Variants in TRIP4 observed in about 807,000 individuals in gnomAD.
The protein encoded by TRIP4 is thyroid hormone receptor interactor 4, also known as activating signal cointegrator 1.
TRIP4 carries 54 observed loss-of-function variants against 81.8 expected under a neutral mutation model. That is an observed-to-expected ratio of 0.66 (90% CI 0.53 to 0.83). The LOEUF is 0.83. TRIP4 is among the 40% of genes least tolerant of loss of function. The pLI, the probability that TRIP4 is intolerant of heterozygous loss-of-function variation, is 0.00. For missense variants in TRIP4, 662 were observed against 683.6 expected (o/e 0.97, Z 0.35); for synonymous variants, 270 against 242.8 (o/e 1.11, Z -1.04).
At chr15:64,417,865 C>G (rs1372782970) in intron 8 of TRIP4, among the ~76,000 whole-genome samples, 1 of 152,132 alleles carries the variant, frequency 6.6e-6, no homozygotes, top group Admixed American at 6.6e-5. Flanking sequence ...ATTTAGCTCA[C>G]AGAATTCTAT....
At chr15:64,452,631 C>T (rs950470591) in intron 12 of TRIP4, among the ~76,000 whole-genome samples, 1 of 152,178 alleles carries the variant, frequency 6.6e-6, no homozygotes, top group Non-Finnish European at 1.5e-5. Context: ...TTCCTCCTTT[C>T]ATTTTACAGG....
chr15:64,408,817 G>T (rs1313522929), intron 6 of TRIP4, among the ~76,000 whole-genome samples: 5 of 152,076 alleles, frequency 3.3e-5, no homozygotes, highest in Non-Finnish European at 7.4e-5. Context: ...TTAGAGATAG[G>T]CCTAATTGTC....
At chr15:64,429,020 G>A (rs1892211055) in intron 11 of TRIP4, among the ~76,000 whole-genome samples, 1 of 151,894 alleles carries the variant, frequency 6.6e-6, no homozygotes, top group Non-Finnish European at 1.5e-5. Flanking sequence ...AGTTTTAAAA[G>A]TTGTAGCTTT....
chr15:64,392,302 A>G (rs1900159224), intron 1 of TRIP4, among the ~76,000 whole-genome samples: 1 of 152,068 alleles, frequency 6.6e-6, no homozygotes, highest in Admixed American at 6.6e-5. Flanking sequence ...TGTCTGAAAA[A>G]ACAAAAAAAC....
intron 5 of TRIP4, among the ~76,000 whole-genome samples, chr15:64,405,998 AC>A (rs1891614440): frequency 6.6e-6 from 1 of 152,182 alleles, no homozygotes; most frequent in African/African-American, 2.4e-5. Context: ...TCTTGAAAAA[AC>A]GTATATTTAA....
Position 64,402,842 on chromosome 15 carries a change from TTTATTTATTTA to T in TRIP4, c.697+2033_697+2043del, listed in dbSNP as rs1213853318. Reference sequence around the variant, plus strand: ...CACTTGGTCAGTTAAGGACATTATTTTTATTTATTTATTATTTATTTAGTTAGTTAGTTTTG... The same window carrying T: ...CACTTGGTCAGTTAAGGACATTATTTTTATTTATTTAGTTAGTTAGTTTTG... On this transcript the variant is annotated intron_variant, in intron 5 of 12. Transcript: ENST00000261884. Among the ~76,000 whole-genome samples the T allele has an allele frequency of 3.3e-5, 5 of 149,664 alleles. No individual in the cohort carries two copies. The South Asian group carries it at 6.4e-4, about 19-fold the overall frequency.
chr15:64,428,344 T>C (rs1373611662), intron 11 of TRIP4, among the ~76,000 whole-genome samples: 1 of 152,196 alleles, frequency 6.6e-6, no homozygotes, highest in East Asian at 1.9e-4. Flanking sequence ...AAACAAGTCT[T>C]GTTGATTTCT....
chr15:64,405,750 T>G (rs1048637910), intron 5 of TRIP4, among the ~76,000 whole-genome samples: 1 of 152,194 alleles, frequency 6.6e-6, no homozygotes, highest in African/African-American at 2.4e-5. Context: ...ATCCCAGTAC[T>G]TTGAGGTGCT....
At chr15:64,405,245 C>G (rs1179283356) in intron 5 of TRIP4, among the ~76,000 whole-genome samples, 1 of 151,202 alleles carries the variant, frequency 6.6e-6, no homozygotes, top group Non-Finnish European at 1.5e-5. Context: ...AGCTCAGCGT[C>G]CCAGGTTCAT....
At chr15:64,438,353 CTT>C (rs1309897631) in intron 11 of TRIP4, among the ~76,000 whole-genome samples, 1 of 152,196 alleles carries the variant, frequency 6.6e-6, no homozygotes, top group Non-Finnish European at 1.5e-5. Context: ...GAGTTTCGCT[CTT>C]GTTGCCTAGG....
chr15:64,394,143 G>C lies in TRIP4; in HGVS notation c.271+28G>C, dbSNP rs745564084. On this transcript the variant is annotated intron_variant, in intron 2 of 12. Transcript: ENST00000261884. Reference sequence around the variant, plus strand: ...AAGTTAATGTAATTATGCAAATGTTGAAATATTGGTAAGTGGGCAGGCTTA... The same window carrying C: ...AAGTTAATGTAATTATGCAAATGTTCAAATATTGGTAAGTGGGCAGGCTTA... The C allele has an allele frequency of 1.9e-6, 3 of 1,540,046 alleles. No individual in the cohort carries two copies. The African/African-American group carries it at 4.2e-5, about 21-fold the overall frequency.
intron 1 of TRIP4, among the ~76,000 whole-genome samples, chr15:64,390,456 G>A (rs371270443): frequency 2.7e-5 from 4 of 148,196 alleles, no homozygotes; most frequent in African/African-American, 2.5e-5. Flanking sequence ...GTGAGACCTC[G>A]TCTCAAAAAA....
intron 12 of TRIP4, among the ~76,000 whole-genome samples, chr15:64,449,584 AT>A (rs1892707662): frequency 6.6e-6 from 1 of 151,582 alleles, no homozygotes; most frequent in African/African-American, 2.4e-5. Context: ...ATATATATAT[AT>A]AAAAAATATA....
chr15:64,441,244 C>T (rs1892511908), intron 11 of TRIP4, among the ~76,000 whole-genome samples: 1 of 151,932 alleles, frequency 6.6e-6, no homozygotes, highest in South Asian at 2.1e-4. Context: ...GGTCCGCCCG[C>T]TTTGGCCTCC....
intron 11 of TRIP4, among the ~76,000 whole-genome samples, chr15:64,439,150 T>G (rs188669053): frequency 6.6e-6 from 1 of 152,210 alleles, no homozygotes; most frequent in Non-Finnish European, 1.5e-5. Context: ...AAGAAAACGT[T>G]TATCTTCCAG....
Position 64,409,613 on chromosome 15 carries a change from T to A in TRIP4, c.828T>A (p.Ser276Arg). Residue 276 changes from serine to arginine, a missense_variant and splice_region_variant, in exon 7 of 13, where the codon AGT becomes AGA. Ser to Arg is a moderately radical substitution (Grantham distance 110). Coordinates refer to ENST00000261884, the MANE Select transcript of TRIP4 (RefSeq NM_016213.5). Reference protein sequence around the residue: ...KDKLLEFDRTSIRRTQVIDDE... With the variant: ...KDKLLEFDRTRIRRTQVIDDE... ...TTACCATGTGTTCCCTTTTTCTCAG[T>A]ATTCGAAGGACCCAAGTCATTGATG... is the stretch of plus-strand genomic sequence containing the variant. 1.2e-6 allele frequency: 2 copies of A among 1,614,010 alleles called. No individual in the cohort carries two copies. The highest frequency in any genetic ancestry group is 1.7e-6 in the Non-Finnish European group (2 of 1,179,948).
chr15:64,388,143 T>A (rs146565043), intron 1 of TRIP4, 179 bp downstream of exon 1: 1 of 1,138,340 alleles, frequency 8.8e-7, no homozygotes, highest in Admixed American at 3.8e-5. Context: ...TGGAATAGGG[T>A]GTCCGGCTCC....
intron 2 of TRIP4, 42 bp downstream of exon 2, chr15:64,394,157 T>C (rs1317601635): frequency 9.3e-6 from 14 of 1,499,420 alleles, no homozygotes; most frequent in Non-Finnish European, 1.1e-5. Context: ...TATTGGTAAG[T>C]GGGCAGGCTT....
intron 10 of TRIP4, 43 bp downstream of exon 10, chr15:64,424,198 G>A: frequency 1.9e-6 from 3 of 1,610,098 alleles, no homozygotes; most frequent in Non-Finnish European, 2.5e-6. Flanking sequence ...TTTATGGAGA[G>A]AAGTCATTGA....
Sources: allele counts gnomAD v4.1 joint callset (sites outside exome capture counted in the v4.1 genomes callset), GRCh38; gene constraint gnomAD v4.1.1; transcripts MANE v1.5; gene names NCBI Gene and HGNC (gene_info 2026-07-23, HGNC 2026-07-21).